The following FAM171A1 variants were observed in gnomAD, a reference collection of about 807,000 sequenced individuals.
FAM171A1 encodes the protein family with sequence similarity 171 member A1.
A neutral mutation model predicts 74.9 loss-of-function variants in FAM171A1; 23 were observed. That is an observed-to-expected ratio of 0.31 (90% CI 0.22 to 0.44). FAM171A1 has a LOEUF of 0.44. Among genes scored for constraint, FAM171A1 ranks in the 20% least tolerant of loss-of-function variants. The pLI is 1.00. For missense variants in FAM171A1, 1,162 were observed against 1,159.2 expected (o/e 1.00, Z -0.03); for synonymous variants, 527 against 505.7 (o/e 1.04, Z -0.57).
intron 3 of FAM171A1, among the ~76,000 whole-genome samples, chr10:15,270,108 C>T (rs56195577): frequency 0.026 from 3,982 of 152,250 alleles, 173 homozygotes; most frequent in African/African-American, 0.091. Flanking sequence ...CGCAACGGGT[C>T]GGGGAATTCC....
At chr10:15,316,321 G>A (rs555304128) in intron 1 of FAM171A1, among the ~76,000 whole-genome samples, 1 of 152,336 alleles carries the variant, frequency 6.6e-6, no homozygotes, top group African/African-American at 2.4e-5. Context: ...AGCACCAGGG[G>A]TGGTGCCCCA....
At chr10:15,226,499 C>T (rs74568750) in intron 5 of FAM171A1, among the ~76,000 whole-genome samples, 6,676 of 152,210 alleles carry the variant, frequency 0.044, 157 homozygotes, top group African/African-American at 0.073. Context: ...GGCAAAGAGA[C>T]GTCCCCCCAA....
chr10:15,368,231 ACGGG>A (rs1836090313), intron 1 of FAM171A1, among the ~76,000 whole-genome samples: 2 of 152,226 alleles, frequency 1.3e-5, no homozygotes, highest in Admixed American at 1.3e-4. Context: ...CGAAGCAGCT[ACGGG>A]AAGAGAGTCT....
intron 1 of FAM171A1, among the ~76,000 whole-genome samples, chr10:15,329,256 G>A (rs191324700): frequency 2.8e-4 from 43 of 152,282 alleles, no homozygotes; most frequent in East Asian, 5.8e-4. Context: ...CCAACCAGCC[G>A]GATGCAACAG....
At chr10:15,269,213 A>T (rs1177007234) in intron 3 of FAM171A1, among the ~76,000 whole-genome samples, 1 of 152,154 alleles carries the variant, frequency 6.6e-6, no homozygotes, top group Non-Finnish European at 1.5e-5. Flanking sequence ...TCCTGGGCTC[A>T]AGTAATCCTC....
At position 15,280,462 on chromosome 10, in the gene FAM171A1, G is replaced by A. The variant is rs927020215; in HGVS notation, c.325+3416C>T. Among the ~76,000 whole-genome samples the A allele has an allele frequency of 4.6e-5, 7 of 152,264 alleles. No individual in the cohort carries two copies. In the South Asian group the frequency reaches 1.2e-3, roughly 27 times the overall value. On this transcript the variant is annotated intron_variant, in intron 2 of 7. Coordinates refer to ENST00000378116, the MANE Select transcript of FAM171A1 (RefSeq NM_001010924.2). ...CTGCAGAGACAGCAATAATTAAGAC[G>A]TAGAATGACAGCCTTTAGTGGATGG...
rs143384913 is a variant in FAM171A1 at position 15,305,177 on chromosome 10, G to C, written c.98-21072C>G. ...GAAGATACGCCATGAACAAGGTACT[G>C]GTGCAGAACTAGTTTTATTTATACT... On this transcript the variant is annotated intron_variant, in intron 1 of 7. Transcript: ENST00000378116. 5.6e-3 allele frequency among the ~76,000 whole-genome samples: 848 copies of C among 152,316 alleles called. 4 individuals carry two copies. Among genetic ancestry groups the C allele is most frequent in the Middle Eastern group, 0.02 (6 of 294 alleles).
At chr10:15,243,672 A>G (rs557137084) in intron 5 of FAM171A1, among the ~76,000 whole-genome samples, 1 of 152,334 alleles carries the variant, frequency 6.6e-6, no homozygotes, top group African/African-American at 2.4e-5. Flanking sequence ...GCAGGGATGG[A>G]GGCTCCAAGA....
chr10:15,244,226 G>C (rs1400215447), intron 5 of FAM171A1, among the ~76,000 whole-genome samples: 1 of 152,126 alleles, frequency 6.6e-6, no homozygotes, highest in Non-Finnish European at 1.5e-5. Flanking sequence ...GTGGTGGTGG[G>C]CACCTGTAAT....
chr10:15,365,974 C>A (rs1430589244), intron 1 of FAM171A1, among the ~76,000 whole-genome samples: 1 of 152,118 alleles, frequency 6.6e-6, no homozygotes, highest in Non-Finnish European at 1.5e-5. Flanking sequence ...TTAGTTGCCT[C>A]AAATTTTGCC....
chr10:15,298,229 G>C (rs922442691), intron 1 of FAM171A1, among the ~76,000 whole-genome samples: 3 of 152,052 alleles, frequency 2.0e-5, no homozygotes, highest in Non-Finnish European at 2.9e-5. Context: ...TCGCCTTCCA[G>C]GTTGAAGCGA....
chr10:15,283,826 C>A, intron 2 of FAM171A1, 52 bp downstream of exon 2: 1 of 1,573,668 alleles, frequency 6.4e-7, no homozygotes, highest in Non-Finnish European at 8.7e-7. Context: ...CTTATGCGAT[C>A]CTCCCACCAG....
intron 4 of FAM171A1, among the ~76,000 whole-genome samples, chr10:15,253,158 C>A (rs912952576): frequency 3.9e-5 from 6 of 152,126 alleles, no homozygotes; most frequent in African/African-American, 1.4e-4. Flanking sequence ...CACCTGCCAC[C>A]ACACCCAGCT....
At chr10:15,311,932 G>A (rs1367657526) in intron 1 of FAM171A1, among the ~76,000 whole-genome samples, 2 of 152,222 alleles carry the variant, frequency 1.3e-5, no homozygotes, top group Non-Finnish European at 2.9e-5. Context: ...CATCCTACAT[G>A]TGAATGTTCC....
chr10:15,339,999 GCCC>G (rs530665748), intron 1 of FAM171A1, among the ~76,000 whole-genome samples: 44 of 152,238 alleles, frequency 2.9e-4, no homozygotes, highest in African/African-American at 9.4e-4. Flanking sequence ...TGGGGGAAAA[GCCC>G]CCATCATTCA....
chr10:15,346,890 C>T (rs4387250), intron 1 of FAM171A1, among the ~76,000 whole-genome samples: 134,306 of 152,156 alleles, frequency 0.88, 59,307 homozygotes, highest in East Asian at 1. Context: ...GAGAATTCCA[C>T]CGCTTTAGCA....
chr10:15,315,335 TATTA>T (rs1422775687), intron 1 of FAM171A1, among the ~76,000 whole-genome samples: 3 of 152,208 alleles, frequency 2.0e-5, no homozygotes, highest in Admixed American at 1.3e-4. Context: ...ACGGGTCAAG[TATTA>T]ACATCGAAAA....
Position 15,267,601 on chromosome 10 carries a change from CAAAAAAAAAAAAAAAAAAA to C in FAM171A1, c.418+8235_418+8253del, listed in dbSNP as rs71390026. Among the ~76,000 whole-genome samples the C allele has an allele frequency of 4.9e-4, 26 of 53,348 alleles. 1 individual carries two copies. The highest frequency in any genetic ancestry group is 2.0e-3 in the African/African-American group (23 of 11,366). 35.0% of individuals were successfully genotyped at this position (53,348 alleles called of 152,430 possible). ...CTGGCAACAGAGCGAGACACCATCG[CAAAAAAAAAAAAAAAAAAA>C]AAAAAAAAAAAGAAGGGGAGAAGAA... On this transcript the variant is annotated intron_variant, in intron 3 of 7. Coordinates refer to ENST00000378116, the MANE Select transcript of FAM171A1 (RefSeq NM_001010924.2).
intron 1 of FAM171A1, among the ~76,000 whole-genome samples, chr10:15,349,743 T>G (rs1835857197): frequency 6.6e-6 from 1 of 152,192 alleles, no homozygotes; most frequent in African/African-American, 2.4e-5. Context: ...CTGCCCCTGC[T>G]AAAATTCTCT....
Sources: gnomAD v4.1 joint callset for allele counts (sites outside exome capture counted in the v4.1 genomes callset) on GRCh38, gnomAD v4.1.1 for gene constraint, MANE v1.5 for transcripts, NCBI Gene and HGNC (gene_info 2026-07-23, HGNC 2026-07-21) for gene names.